SYNCRIP: variants seen among roughly 807,000 people sequenced by gnomAD.
SYNCRIP encodes the protein synaptotagmin binding cytoplasmic RNA interacting protein.
In SYNCRIP, 9 loss-of-function variants were observed where a neutral mutation model predicts 68.9. The ratio of observed to expected loss-of-function variants is 0.13; its 90% CI spans 0.08 to 0.23. SYNCRIP has a LOEUF of 0.23. SYNCRIP is among the 10% of genes least tolerant of loss of function. The pLI is 1.00. For synonymous variants in SYNCRIP, 258 were observed against 254.0 expected (o/e 1.02, Z -0.15); for missense variants, 414 against 770.6 (o/e 0.54, Z 5.48).
chr6:85,634,579 TTG>T (rs938013593), intron 6 of SYNCRIP, among the ~76,000 whole-genome samples: 6 of 137,772 alleles, frequency 4.4e-5, no homozygotes, highest in Admixed American at 1.4e-4. Flanking sequence ...CACTGGTGTG[TTG>T]TTTTTTTTTT....
intron 10 of SYNCRIP, 105 bp downstream of exon 10, chr6:85,618,713 A>C: frequency 3.2e-6 from 3 of 942,870 alleles, no homozygotes; most frequent in Non-Finnish European, 4.7e-6. Context: ...GTCTTCTTTA[A>C]AGAGATGTTA....
chr6:85,626,262 T>C (rs901579628), intron 6 of SYNCRIP, among the ~76,000 whole-genome samples: 1 of 152,224 alleles, frequency 6.6e-6, no homozygotes, highest in Non-Finnish European at 1.5e-5. Flanking sequence ...CTTTAAAATA[T>C]GTACATTCCC....
At chr6:85,620,261 A>C (rs1266885507) in intron 8 of SYNCRIP, among the ~76,000 whole-genome samples, 1 of 152,198 alleles carries the variant, frequency 6.6e-6, no homozygotes, top group Non-Finnish European at 1.5e-5. Flanking sequence ...AAAAACAAAA[A>C]AATTTCCAAA....
In SYNCRIP at chr6:85,638,030, A is replaced by G. The variant is rs916460419; in HGVS notation, c.376-674T>C. 1.2e-4 allele frequency among the ~76,000 whole-genome samples: 18 copies of G among 152,316 alleles called. No individual in the cohort carries two copies. The Middle Eastern group carries it at 0.01, about 86-fold the overall frequency. On this transcript the variant is annotated intron_variant, in intron 4 of 10. Transcript: ENST00000369622. ...GTAACTGTTAAAATTTACACAACTCATATTTACTCAGAGCATTAGGTGTTT... is the reference window on the plus strand; with the variant it reads ...GTAACTGTTAAAATTTACACAACTCGTATTTACTCAGAGCATTAGGTGTTT...
chr6:85,634,166 T>C (rs1808163104), intron 6 of SYNCRIP, among the ~76,000 whole-genome samples: 1 of 152,218 alleles, frequency 6.6e-6, no homozygotes, highest in Non-Finnish European at 1.5e-5. Context: ...AGCAATGCAA[T>C]TTTATAATTT....
chr6:85,617,039 T>C (rs1048607254), intron 10 of SYNCRIP, among the ~76,000 whole-genome samples: 2 of 152,130 alleles, frequency 1.3e-5, no homozygotes, highest in Admixed American at 6.5e-5. Flanking sequence ...GAGACTAGAC[T>C]ACCTTAGTTC....
Position 85,614,419 on chromosome 6 carries a change from AACT to A in SYNCRIP, c.*334_*336del. 1 of 1,020,700 alleles carries A rather than the reference AACT, an allele frequency of 9.8e-7. No individual in the cohort carries two copies. The highest frequency in any genetic ancestry group is 1.2e-6 in the Non-Finnish European group (1 of 853,770). The allele number at this position is 1,020,700 out of a possible 1,614,324, so 63.2% of individuals were successfully genotyped here. A position where few individuals can be genotyped will look rare whatever the true frequency, so the allele number is the denominator to read the frequency against. ...ATTAAAGACACACTTGGTTTTAATC[AACT>A]ACCTTTGAAGACACCAAATCTAAAC... On this transcript the variant is annotated 3_prime_UTR_variant, in exon 11 of 11. Transcript: ENST00000369622.
In SYNCRIP at chr6:85,622,476, C is replaced by CAT. The variant is rs1806531298; in HGVS notation, c.1008+4_1008+5dup. 6.3e-7 allele frequency: 1 copy of CAT among 1,599,212 alleles called. No homozygotes were observed. Among genetic ancestry groups the CAT allele is most frequent in the Admixed American group, 1.7e-5 (1 of 59,570 alleles). On this transcript the variant is annotated splice_donor_region_variant and intron_variant, in intron 8 of 10. Coordinates refer to ENST00000369622, the MANE Select transcript of SYNCRIP (RefSeq NM_006372.5). ...CAAAAAATATTTTTAACTTGACTATCATTACCTTTGCCATAACCTCAGGAT... is the reference window on the plus strand; with the variant it reads ...CAAAAAATATTTTTAACTTGACTATCATATTACCTTTGCCATAACCTCAGGAT...
intron 7 of SYNCRIP, among the ~76,000 whole-genome samples, chr6:85,623,579 A>AAAAAAAAAAAAAAAAAAAAAAAC (rs1554184894): frequency 3.2e-5 from 4 of 125,758 alleles, no homozygotes; most frequent in Admixed American, 8.1e-5. Context: ...AAAAAAAAAA[A>AAAAAAAAAAAAAAAAAAAAAAAC]AAAACACTCT....
At chr6:85,620,477 A>G (rs1281006921) in intron 8 of SYNCRIP, among the ~76,000 whole-genome samples, 3 of 152,236 alleles carry the variant, frequency 2.0e-5, no homozygotes, top group Non-Finnish European at 4.4e-5. Context: ...AGGCAAAACT[A>G]TGGAGACAGT....
At chr6:85,627,849 T>G (rs1031646190) in intron 6 of SYNCRIP, among the ~76,000 whole-genome samples, 2 of 152,206 alleles carry the variant, frequency 1.3e-5, no homozygotes, top group Non-Finnish European at 2.9e-5. Context: ...GTTTCAGTTT[T>G]TAAGAACACC....
At chr6:85,639,131 C>T (rs1808832142) in intron 4 of SYNCRIP, among the ~76,000 whole-genome samples, 1 of 152,098 alleles carries the variant, frequency 6.6e-6, no homozygotes, top group African/African-American at 2.4e-5. Context: ...TTGCTCGAAC[C>T]CGCGAGGTGG....
At position 85,637,231 on chromosome 6, in the gene SYNCRIP, T is replaced by C; in HGVS notation, c.489+12A>G. ...TTTTACTACAAAAGGTACAAGTTTT[T>C]AGTTGCTTTACCTCAGTGCCAACAG... On this transcript the variant is annotated intron_variant, in intron 5 of 10. Transcript: ENST00000369622. 1.2e-6 allele frequency: 2 copies of C among 1,611,662 alleles called. No homozygotes were observed. The highest frequency in any genetic ancestry group is 1.3e-5 in the African/African-American group (1 of 74,896).
At chr6:85,621,078 C>T (rs756117249) in intron 8 of SYNCRIP, among the ~76,000 whole-genome samples, 24 of 152,216 alleles carry the variant, frequency 1.6e-4, no homozygotes, top group Non-Finnish European at 2.8e-4. Flanking sequence ...AACCTCTTCA[C>T]TAACATTATC....
intron 6 of SYNCRIP, among the ~76,000 whole-genome samples, chr6:85,629,516 CAAA>C (rs781083306): frequency 1.5e-5 from 1 of 64,924 alleles, no homozygotes; most frequent in Non-Finnish European, 2.6e-5. Context: ...ACTAAAAATA[CAAA>C]AAAAAAAAAA....
At chr6:85,622,412 C>A in intron 8 of SYNCRIP, 70 bp downstream of exon 8, 4 of 1,352,530 alleles carry the variant, frequency 3.0e-6, no homozygotes, top group Non-Finnish European at 4.2e-6. Context: ...ATTTTATGTT[C>A]CCCCCACCCC....
chr6:85,629,556 G>A (rs1807470918), intron 6 of SYNCRIP, among the ~76,000 whole-genome samples: 1 of 150,590 alleles, frequency 6.6e-6, no homozygotes, highest in African/African-American at 2.4e-5. Flanking sequence ...GGGTGCGGTG[G>A]CTCATGCCTG....
At chr6:85,624,964 C>T (rs775136819) in intron 6 of SYNCRIP, among the ~76,000 whole-genome samples, 6 of 152,178 alleles carry the variant, frequency 3.9e-5, no homozygotes, top group East Asian at 3.9e-4. Flanking sequence ...CTATTCTACA[C>T]GTGGAGCTAC....
upstream of SYNCRIP, chr6:85,643,661 C>G (rs919903460): frequency 6.6e-6 from 1 of 151,610 alleles, no homozygotes; most frequent in Non-Finnish European, 1.5e-5. Flanking sequence ...ACCGAGCTCC[C>G]GCCCGCCCCA....
Sources: gnomAD v4.1 joint callset for allele counts (sites outside exome capture counted in the v4.1 genomes callset) on GRCh38, gnomAD v4.1.1 for gene constraint, MANE v1.5 for transcripts, NCBI Gene and HGNC (gene_info 2026-07-23, HGNC 2026-07-21) for gene names.